The following NFILZ variants were observed in gnomAD, a reference collection of about 807,000 sequenced individuals.
NFILZ encodes NFIL3 like basic leucine zipper.
intron 3 of NFILZ, among the ~76,000 whole-genome samples, chr19:8,652,130 T>C (rs1700699583): frequency 7.0e-6 from 1 of 142,428 alleles, no homozygotes; most frequent in Non-Finnish European, 1.5e-5. Context: ...TGAAACGGAG[T>C]CTTGCTCTGT....
Position 8,680,139 on chromosome 19 carries a change from C to G in NFILZ, c.*2504C>G. 6.9e-6 allele frequency among the ~76,000 whole-genome samples: 1 copy of G among 144,018 alleles called. No individual in the cohort carries two copies. Among genetic ancestry groups the G allele is most frequent in the East Asian group, 2.1e-4 (1 of 4,838 alleles). The allele number at this position is 144,018 out of a possible 152,430, so 94.5% of individuals were successfully genotyped here. A position where few individuals can be genotyped will look rare whatever the true frequency, so the allele number is the denominator to read the frequency against. On this transcript the variant is annotated 3_prime_UTR_variant, in exon 6 of 6. Coordinates refer to ENST00000691075, the MANE Select transcript of NFILZ (RefSeq NM_001378600.1). Reference sequence around the variant, plus strand: ...TGAACCCAGGAGGTGGAGGCTGCAGCGAGCTGAGATTGCACCACTGCAGTC... The same window carrying G: ...TGAACCCAGGAGGTGGAGGCTGCAGGGAGCTGAGATTGCACCACTGCAGTC...
Position 8,671,671 on chromosome 19 carries a change from ACTTCTGT to A in NFILZ, c.-163-2874_-163-2868del, listed in dbSNP as rs2043087549. Among the ~76,000 whole-genome samples the A allele has an allele frequency of 2.6e-5, 4 of 151,630 alleles. No homozygotes were observed. The South Asian group carries it at 8.4e-4, about 32-fold the overall frequency. ...GTGTTCATCTCGGAGCTTGCCTACC[ACTTCTGT>A]CTTCTCTCCTAGAGCCAAGGTGGTA... is the stretch of plus-strand genomic sequence containing the variant. On this transcript the variant is annotated intron_variant, in intron 3 of 5. Coordinates refer to ENST00000691075, the MANE Select transcript of NFILZ (RefSeq NM_001378600.1).
At chr19:8,636,571 A>G (rs1375656834) in intron 3 of NFILZ, among the ~76,000 whole-genome samples, 3 of 148,816 alleles carry the variant, frequency 2.0e-5, no homozygotes, top group African/African-American at 7.4e-5. Context: ...TAGCCTCCTG[A>G]GTAGCTAGGA....
At chr19:8,641,221 T>G (rs1555746630) in intron 3 of NFILZ, among the ~76,000 whole-genome samples, 1 of 151,662 alleles carries the variant, frequency 6.6e-6, no homozygotes, top group African/African-American at 2.4e-5. Flanking sequence ...GACTAATGTT[T>G]GTTTTTTTTT....
At position 8,640,316 on chromosome 19, in the gene NFILZ, G is replaced by GTTTT. The variant is rs71179871; in HGVS notation, c.-164+4587_-164+4590dup. ...GCAAGAACCTATTGTTCCTGCTGTA[G>GTTTT]TTTTTTTTTTTTTTTTTTTTACCAT... On this transcript the variant is annotated intron_variant, in intron 3 of 5. Coordinates refer to ENST00000691075, the MANE Select transcript of NFILZ (RefSeq NM_001378600.1). Among the ~76,000 whole-genome samples the GTTTT allele has an allele frequency of 3.0e-4, 37 of 124,226 alleles. 2 individuals carry two copies. Among genetic ancestry groups the GTTTT allele is most frequent in the Middle Eastern group, 5.0e-3 (1 of 202 alleles). 81.5% of individuals were successfully genotyped at this position (124,226 alleles called of 152,430 possible). A position where few individuals can be genotyped will look rare whatever the true frequency, so the allele number is the denominator to read the frequency against.
chr19:8,651,784 C>T (rs775504453), intron 3 of NFILZ, among the ~76,000 whole-genome samples: 47 of 152,242 alleles, frequency 3.1e-4, no homozygotes, highest in Non-Finnish European at 5.9e-4. Flanking sequence ...CCTCCCTCTG[C>T]GGCCTCCCAA....
rs1472973150 is a variant in NFILZ, at chr19:8,647,791, GCGCGCACACACACA to G, written c.-164+12047_-164+12060del. 4.5e-3 allele frequency among the ~76,000 whole-genome samples: 314 copies of G among 70,008 alleles called. 3 individuals carry two copies. The highest frequency in any genetic ancestry group is 0.015 in the African/African-American group (285 of 19,168). 45.9% of individuals were successfully genotyped at this position (70,008 alleles called of 152,430 possible). On this transcript the variant is annotated intron_variant, in intron 3 of 5. Transcript: ENST00000691075. ...CACACGCACACATGCGCGCGCGCGC[GCGCGCACACACACA>G]CACACACACACACACACACACACAC...
chr19:8,636,388 C>T (rs1417270972), intron 3 of NFILZ, among the ~76,000 whole-genome samples: 2 of 147,358 alleles, frequency 1.4e-5, no homozygotes, highest in Admixed American at 1.3e-4. Context: ...GCGGAGGTTG[C>T]AGTGAGCCGA....
chr19:8,656,877 C>T (rs1415680975), intron 3 of NFILZ, among the ~76,000 whole-genome samples: 2 of 152,110 alleles, frequency 1.3e-5, no homozygotes, highest in African/African-American at 4.8e-5. Context: ...TTCTTGGGAC[C>T]TGCTCCAGGG....
intron 2 of NFILZ, among the ~76,000 whole-genome samples, chr19:8,633,874 T>TCTCC (rs1235448674): frequency 5.9e-5 from 8 of 134,970 alleles, no homozygotes; most frequent in Non-Finnish European, 1.1e-4. Context: ...GTATAACTTT[T>TCTCC]CTCCCTTCCT....
intron 3 of NFILZ, among the ~76,000 whole-genome samples, chr19:8,647,822 C>T (rs1372648049): frequency 6.7e-6 from 1 of 149,016 alleles, no homozygotes; most frequent in African/African-American, 2.5e-5. Flanking sequence ...CACACACACA[C>T]ACACACACAC....
chr19:8,666,949 C>T (rs184968022), intron 3 of NFILZ, among the ~76,000 whole-genome samples: 12 of 149,012 alleles, frequency 8.1e-5, no homozygotes, highest in African/African-American at 2.7e-4. Flanking sequence ...AGGGTTTTGC[C>T]ACATTGCCCG....
chr19:8,635,324 TAA>T lies in NFILZ; in HGVS notation c.-260-312_-260-311del, dbSNP rs201180999. Among the ~76,000 whole-genome samples, 1,326 of 136,584 alleles carry T rather than the reference TAA, an allele frequency of 9.7e-3. 6 individuals are homozygous for T. Among genetic ancestry groups the T allele is most frequent in the African/African-American group, 0.016 (582 of 36,908 alleles). The allele number at this position is 136,584 out of a possible 152,430, so 89.6% of individuals were successfully genotyped here. A position where few individuals can be genotyped will look rare whatever the true frequency, so the allele number is the denominator to read the frequency against. On this transcript the variant is annotated intron_variant, in intron 2 of 5. Transcript: ENST00000691075. ...GACTCCATCTCAAAAAAAAAAAAATTAAAAAAAAAAAAAAAGAAATACAGAAT... is the reference window on the plus strand; with the variant it reads ...GACTCCATCTCAAAAAAAAAAAAATTAAAAAAAAAAAAAGAAATACAGAAT...
At chr19:8,633,757 C>A (rs1051244141) in intron 2 of NFILZ, among the ~76,000 whole-genome samples, 27 of 152,142 alleles carry the variant, frequency 1.8e-4, no homozygotes, top group African/African-American at 5.6e-4. Flanking sequence ...GTCAAGGGAG[C>A]AGGGTCCTGG....
chr19:8,644,788 T>A (rs1215739190), intron 3 of NFILZ, among the ~76,000 whole-genome samples: 1 of 149,490 alleles, frequency 6.7e-6, no homozygotes, highest in African/African-American at 2.5e-5. Context: ...TTTTTTTGAC[T>A]GAGTTTTCGC....
chr19:8,678,545 C>CTCCATCCATCCA lies in NFILZ; in HGVS notation c.*918_*929dup, dbSNP rs118194575. ...TCATCCATTCATACATCAATTTATT[C>CTCCATCCATCCA]TCCATCCATCCATCCATCCTCATCC... is the stretch of plus-strand genomic sequence containing the variant. On this transcript the variant is annotated 3_prime_UTR_variant, in exon 6 of 6. Coordinates refer to ENST00000691075, the MANE Select transcript of NFILZ (RefSeq NM_001378600.1). 2.7e-5 allele frequency among the ~76,000 whole-genome samples: 4 copies of CTCCATCCATCCA among 148,924 alleles called. No homozygotes were observed. The highest frequency in any genetic ancestry group is 7.4e-5 in the African/African-American group (3 of 40,296).
At chr19:8,632,921 C>G (rs922564189) in intron 2 of NFILZ, among the ~76,000 whole-genome samples, 35 of 151,542 alleles carry the variant, frequency 2.3e-4, no homozygotes, top group African/African-American at 8.2e-4. Context: ...CAGGGTTTCA[C>G]CATGTTGTCC....
chr19:8,664,642 T>C (rs561178855), intron 3 of NFILZ, among the ~76,000 whole-genome samples: 12 of 152,224 alleles, frequency 7.9e-5, no homozygotes, highest in South Asian at 4.1e-4. Flanking sequence ...CGAGGTTCCA[T>C]TGGGTTCCCT....
intron 3 of NFILZ, among the ~76,000 whole-genome samples, chr19:8,671,551 C>A (rs997863275): frequency 3.9e-5 from 6 of 152,072 alleles, no homozygotes; most frequent in Admixed American, 3.9e-4. Flanking sequence ...ATGTGACTAC[C>A]AGCCCACACT....
Sources: gnomAD v4.1 joint callset for allele counts (sites outside exome capture counted in the v4.1 genomes callset) on GRCh38, gnomAD v4.1.1 for gene constraint, MANE v1.5 for transcripts, NCBI Gene and HGNC (gene_info 2026-07-23, HGNC 2026-07-21) for gene names.